Variants in SUFU observed in about 807,000 individuals in gnomAD.
SUFU encodes the protein SUFU negative regulator of hedgehog signaling.
In SUFU, 7 loss-of-function variants were observed where a neutral mutation model predicts 58.9. That is an observed-to-expected ratio of 0.12 (90% CI 0.07 to 0.22). The LOEUF is 0.22. Among genes scored for constraint, SUFU ranks in the 10% least tolerant of loss-of-function variants. SUFU has a pLI of 1.00. For missense variants in SUFU, 451 were observed against 641.3 expected (o/e 0.70, Z 3.20); for synonymous variants, 232 against 254.8 (o/e 0.91, Z 0.85).
chr10:102,589,923 T>C (rs368325708), intron 3 of SUFU, among the ~76,000 whole-genome samples: 8 of 152,092 alleles, frequency 5.3e-5, no homozygotes, highest in African/African-American at 1.7e-4. Context: ...GTTAATGTCC[T>C]TTATCAAGAT....
rs79999977 is a variant in SUFU at position 102,566,200 on chromosome 10, G to A, written c.454+16094G>A. On this transcript the variant is annotated intron_variant, in intron 3 of 11. Transcript: ENST00000369902. ...GGTTGCCTGGGTTCAAATCCTAGTT[G>A]GGCCATGTAGGACCAAAATTGAACA... Among the ~76,000 whole-genome samples the A allele has an allele frequency of 0.01, 1,593 of 152,264 alleles. 102 individuals are homozygous for A. The East Asian group carries it at 0.16, about 16-fold the overall frequency.
At chr10:102,534,737 G>A (rs1344933472) in intron 2 of SUFU, among the ~76,000 whole-genome samples, 2 of 152,220 alleles carry the variant, frequency 1.3e-5, no homozygotes, top group East Asian at 1.9e-4. Flanking sequence ...GTTTGGGTGA[G>A]TGGTCCTTGG....
At chr10:102,597,057 G>A in intron 6 of SUFU, 83 bp from the exon 7 acceptor site, 2 of 1,524,528 alleles carry the variant, frequency 1.3e-6, no homozygotes, top group Admixed American at 1.7e-5. Context: ...AGTAAATACT[G>A]TAAGAGCAGT....
intron 10 of SUFU, among the ~76,000 whole-genome samples, chr10:102,621,715 G>A (rs1165308242): frequency 1.3e-5 from 2 of 152,206 alleles, no homozygotes; most frequent in African/African-American, 4.8e-5. Flanking sequence ...TTCCCTGAGA[G>A]GAGGAAAGGG....
rs1466038147 is a variant in SUFU, at chr10:102,568,921, CACATATATATATATATATATAT to C, written c.454+18817_454+18838del. On this transcript the variant is annotated intron_variant, in intron 3 of 11. Transcript: ENST00000369902. ...AAATATATATATATATATATATATA[CACATATATATATATATATATAT>C]ATATATATATATATATATATCTATA... Among the ~76,000 whole-genome samples, 24 of 9,544 alleles carry C rather than the reference CACATATATATATATATATATAT, an allele frequency of 2.5e-3. 1 individual carries two copies. Among genetic ancestry groups the C allele is most frequent in the South Asian group, 0.014 (3 of 214 alleles). The allele number at this position is 9,544 out of a possible 152,430, so 6.3% of individuals were successfully genotyped here.
At chr10:102,518,658 T>C (rs1038036572) in intron 2 of SUFU, among the ~76,000 whole-genome samples, 1 of 151,998 alleles carries the variant, frequency 6.6e-6, no homozygotes, top group African/African-American at 2.4e-5. Flanking sequence ...GTCATCCTCC[T>C]ACCTCAACCT....
intron 2 of SUFU, among the ~76,000 whole-genome samples, chr10:102,543,002 A>G (rs1053361126): frequency 6.6e-6 from 1 of 152,186 alleles, no homozygotes; most frequent in Non-Finnish European, 1.5e-5. Flanking sequence ...GCATTTTCTT[A>G]CAGCACTTTG....
At chr10:102,590,153 CTTTTTTCT>C (rs1177641115) in intron 3 of SUFU, among the ~76,000 whole-genome samples, 6 of 73,862 alleles carry the variant, frequency 8.1e-5, no homozygotes, top group Non-Finnish European at 1.2e-4. Context: ...TTTTTTTTTT[CTTTTTTCT>C]TTTTTTTTTT....
At chr10:102,535,930 A>AGATGAT (rs36203045) in intron 2 of SUFU, among the ~76,000 whole-genome samples, 14,195 of 148,740 alleles carry the variant, frequency 0.095, 781 homozygotes, top group Non-Finnish European at 0.12. Context: ...TCTAGGCTGG[A>AGATGAT]GATGATGATG....
At chr10:102,573,945 A>T (rs1321195666) in intron 3 of SUFU, among the ~76,000 whole-genome samples, 1 of 152,202 alleles carries the variant, frequency 6.6e-6, no homozygotes, top group Non-Finnish European at 1.5e-5. Flanking sequence ...ACTTAATGCC[A>T]CTTAAAAATG....
intron 2 of SUFU, among the ~76,000 whole-genome samples, chr10:102,510,972 T>C (rs1478605239): frequency 6.6e-6 from 1 of 151,410 alleles, no homozygotes; most frequent in African/African-American, 2.4e-5. Context: ...AATAATAAAA[T>C]TAGCCGGGCG....
chr10:102,592,743 G>A lies in SUFU; in HGVS notation c.597+19G>A, dbSNP rs1315634627. On this transcript the variant is annotated intron_variant, in intron 4 of 11. Coordinates refer to ENST00000369902, the MANE Select transcript of SUFU (RefSeq NM_016169.4). ...CCTCCAGGTGAGGCACAGGTTGGAC[G>A]CTGGCTCAAGCCTTCCTGTGGGAAG... is the stretch of plus-strand genomic sequence containing the variant. The A allele has an allele frequency of 3.1e-6, 5 of 1,613,296 alleles. No individual in the cohort carries two copies. Among genetic ancestry groups the A allele is most frequent in the African/African-American group, 1.3e-5 (1 of 75,064 alleles).
At chr10:102,533,225 T>C (rs558703529) in intron 2 of SUFU, among the ~76,000 whole-genome samples, 9 of 152,302 alleles carry the variant, frequency 5.9e-5, no homozygotes, top group Admixed American at 4.6e-4. Context: ...TATACACTTA[T>C]TGTGTTATAA....
chr10:102,512,673 G>A (rs1374307252), intron 2 of SUFU, among the ~76,000 whole-genome samples: 1 of 152,158 alleles, frequency 6.6e-6, no homozygotes, highest in Non-Finnish European at 1.5e-5. Context: ...CACCAATCAA[G>A]CCTAGTATTT....
chr10:102,620,688 G>A (rs533621846), intron 10 of SUFU, among the ~76,000 whole-genome samples: 5 of 152,130 alleles, frequency 3.3e-5, no homozygotes, highest in Non-Finnish European at 5.9e-5. Context: ...CTGGGAGGGG[G>A]CCTGCCAAGG....
chr10:102,597,483 A>C (rs1402037742), intron 7 of SUFU, among the ~76,000 whole-genome samples, 190 bp downstream of exon 7: 1 of 152,198 alleles, frequency 6.6e-6, no homozygotes, highest in Non-Finnish European at 1.5e-5. Context: ...GCCCATTCCT[A>C]GTTGTGTTTC....
intron 3 of SUFU, among the ~76,000 whole-genome samples, chr10:102,574,918 T>G (rs2063198344): frequency 6.6e-6 from 1 of 152,120 alleles, no homozygotes; most frequent in Non-Finnish European, 1.5e-5. Context: ...TAGCCCGGCA[T>G]GGTGGCATGC....
chr10:102,546,513 T>C (rs544454739), intron 2 of SUFU, among the ~76,000 whole-genome samples: 30 of 152,324 alleles, frequency 2.0e-4, no homozygotes, highest in Admixed American at 5.2e-4. Flanking sequence ...CTTTCCTTTC[T>C]TGGAAGATGT....
rs34032732 is a variant in SUFU, at chr10:102,612,169, TTGTGTGTGTG to T, written c.1023-3068_1023-3059del. On this transcript the variant is annotated intron_variant, in intron 8 of 11. Transcript: ENST00000369902. ...AACAAATCAGCAGAAAACTGGGTTC[TTGTGTGTGTG>T]TGTGTGTGTGTGTGTGTGTGTGTGT... Among the ~76,000 whole-genome samples the T allele has an allele frequency of 4.2e-4, 63 of 148,330 alleles. 1 individual carries two copies. The highest frequency in any genetic ancestry group is 3.5e-3 in the Middle Eastern group (1 of 286).
Sources: allele counts gnomAD v4.1 joint callset (sites outside exome capture counted in the v4.1 genomes callset), GRCh38; gene constraint gnomAD v4.1.1; transcripts MANE v1.5; gene names NCBI Gene and HGNC (gene_info 2026-07-23, HGNC 2026-07-21).